Variants in CNTN5 observed in about 807,000 individuals in gnomAD.
The protein encoded by CNTN5 is contactin 5, also known as contactin-5.
A neutral mutation model predicts 129.1 loss-of-function variants in CNTN5; 77 were observed. That is an observed-to-expected ratio of 0.60 (90% CI 0.50 to 0.72). The LOEUF (loss-of-function observed/expected upper bound fraction) is 0.72. Among genes scored for constraint, CNTN5 ranks in the 30% least tolerant of loss-of-function variants. The probability of loss-of-function intolerance (pLI) is 0.00; values close to 1 mark genes in which losing one functional copy is unlikely to be tolerated. For missense variants in CNTN5, 1,478 were observed against 1,328.8 expected (o/e 1.11, Z -1.75); for synonymous variants, 509 against 465.6 (o/e 1.09, Z -1.20).
intron 9 of CNTN5, among the ~76,000 whole-genome samples, chr11:100,044,168 ATG>A (rs916022479): frequency 9.2e-5 from 4 of 43,350 alleles, no homozygotes; most frequent in Non-Finnish European, 1.3e-4. Context: ...ATTACATATC[ATG>A]TATATATATA....
chr11:100,065,737 T>G (rs950527932), intron 10 of CNTN5, among the ~76,000 whole-genome samples: 3 of 152,100 alleles, frequency 2.0e-5, no homozygotes, highest in African/African-American at 7.2e-5. Context: ...AGGCATGAGA[T>G]GAGAATGGCA....
At chr11:99,348,741 ATATAT>A (rs1256455626) in intron 2 of CNTN5, among the ~76,000 whole-genome samples, 5 of 152,198 alleles carry the variant, frequency 3.3e-5, no homozygotes, top group Non-Finnish European at 7.3e-5. Flanking sequence ...TATATATCAC[ATATAT>A]TATAATACAT....
At chr11:100,350,911 C>A in intron 24 of CNTN5, 41 bp downstream of exon 24, 1 of 1,463,504 alleles carries the variant, frequency 6.8e-7, no homozygotes, top group Non-Finnish European at 9.2e-7. Flanking sequence ...TGACAACCAA[C>A]AATTACGAGA....
intron 1 of CNTN5, among the ~76,000 whole-genome samples, chr11:99,102,869 C>T (rs1866806093): frequency 6.6e-6 from 1 of 152,062 alleles, no homozygotes; most frequent in Non-Finnish European, 1.5e-5. Flanking sequence ...CTACTGGTAC[C>T]AATTTACTGT....
intron 3 of CNTN5, among the ~76,000 whole-genome samples, chr11:99,730,391 T>C (rs1207373118): frequency 1.3e-5 from 2 of 152,222 alleles, no homozygotes; most frequent in African/African-American, 2.4e-5. Context: ...GAGAGAATAC[T>C]ATATTAACTT....
intron 2 of CNTN5, among the ~76,000 whole-genome samples, chr11:99,487,209 G>A (rs757926863): frequency 3.1e-4 from 47 of 152,340 alleles, no homozygotes; most frequent in Admixed American, 1.6e-3. Flanking sequence ...ACGTTTTAAG[G>A]TGAAGTGACT....
chr11:99,515,505 G>T (rs565748291), intron 2 of CNTN5, among the ~76,000 whole-genome samples: 1 of 151,968 alleles, frequency 6.6e-6, no homozygotes, highest in Middle Eastern at 3.2e-3. Context: ...TCATGCCTGC[G>T]TTGAGATTCT....
At chr11:99,381,663 C>T (rs12049876) in intron 2 of CNTN5, among the ~76,000 whole-genome samples, 39,798 of 151,754 alleles carry the variant, frequency 0.26, 5,471 homozygotes, top group Middle Eastern at 0.32. Flanking sequence ...GCATAGTGTC[C>T]CTATTATCAG....
At chr11:99,760,610 G>A (rs575623585) in intron 3 of CNTN5, among the ~76,000 whole-genome samples, 7 of 152,182 alleles carry the variant, frequency 4.6e-5, no homozygotes, top group Non-Finnish European at 7.4e-5. Flanking sequence ...CATTGTAAAT[G>A]ACTTGATTTT....
intron 2 of CNTN5, among the ~76,000 whole-genome samples, chr11:99,374,965 G>T (rs566833425): frequency 6.6e-6 from 1 of 152,266 alleles, no homozygotes; most frequent in South Asian, 2.1e-4. Flanking sequence ...TTTCAGGCTG[G>T]AAAAGTAAAG....
intron 13 of CNTN5, among the ~76,000 whole-genome samples, chr11:100,141,658 C>G (rs1946700419): frequency 6.6e-6 from 1 of 152,056 alleles, no homozygotes; most frequent in African/African-American, 2.4e-5. Context: ...ACAGAGTATC[C>G]TCTAAGTCAA....
intron 6 of CNTN5, among the ~76,000 whole-genome samples, chr11:99,904,349 T>C (rs1196891696): frequency 1.3e-5 from 2 of 152,034 alleles, no homozygotes; most frequent in Non-Finnish European, 2.9e-5. Flanking sequence ...TGTCCGTGTG[T>C]TCTCATTGTT....
chr11:99,890,294 G>C (rs1318782327), intron 6 of CNTN5, among the ~76,000 whole-genome samples: 5 of 151,872 alleles, frequency 3.3e-5, no homozygotes, highest in Admixed American at 3.3e-4. Flanking sequence ...AAGTAATATT[G>C]AATTATAACA....
chr11:100,305,121 C>T (rs908577927), intron 20 of CNTN5, among the ~76,000 whole-genome samples: 1 of 151,494 alleles, frequency 6.6e-6, no homozygotes, highest in Non-Finnish European at 1.5e-5. Flanking sequence ...CAGCCTCTTT[C>T]TTTATGCCAA....
Position 100,356,181 on chromosome 11 carries a change from C to T in CNTN5, c.3264C>T (p.Thr1088=), listed in dbSNP as rs1207217362. 1 of 1,610,508 alleles carries T rather than the reference C, an allele frequency of 6.2e-7. No individual in the cohort carries two copies. Among genetic ancestry groups the T allele is most frequent in the Admixed American group, 1.7e-5 (1 of 59,622 alleles). The stretch of plus-strand genomic sequence containing the variant: ...TCTCCACATCTTCGTCATCAGTCAC[C>T]TTGCTCTTGGCATTGATGATTCCTT... ...HSLSTSSSSV[T]LLLALMIPST... is the part of the protein sequence containing the mutation. Residue 1088 remains threonine, a synonymous_variant, in exon 25 of 25, where the codon ACC becomes ACT. Coordinates refer to ENST00000524871, the MANE Select transcript of CNTN5 (RefSeq NM_014361.4).
chr11:99,119,641 C>T (rs188837084), intron 1 of CNTN5, among the ~76,000 whole-genome samples: 358 of 152,128 alleles, frequency 2.4e-3, no homozygotes, highest in Non-Finnish European at 3.6e-3. Flanking sequence ...ATATTCATTT[C>T]GGTATAAACG....
At chr11:100,043,112 A>G (rs576460803) in intron 9 of CNTN5, among the ~76,000 whole-genome samples, 1 of 152,330 alleles carries the variant, frequency 6.6e-6, no homozygotes, top group East Asian at 1.9e-4. Flanking sequence ...TTTTAAGCAA[A>G]TTAAAATCTT....
intron 4 of CNTN5, among the ~76,000 whole-genome samples, chr11:99,823,587 T>A (rs1197739561): frequency 3.9e-5 from 6 of 152,168 alleles, no homozygotes; most frequent in African/African-American, 1.4e-4. Context: ...GCTCATAGTT[T>A]ATATTAAATG....
intron 2 of CNTN5, among the ~76,000 whole-genome samples, chr11:99,397,718 T>C (rs12226799): frequency 0.23 from 35,563 of 151,650 alleles, 4,866 homozygotes; most frequent in Middle Eastern, 0.34. Flanking sequence ...CCACTTCCTT[T>C]TTTTCTGGTA....
Sources: allele counts gnomAD v4.1 joint callset (sites outside exome capture counted in the v4.1 genomes callset), GRCh38; gene constraint gnomAD v4.1.1; transcripts MANE v1.5; gene names NCBI Gene and HGNC (gene_info 2026-07-23, HGNC 2026-07-21).